The following PCDHGA5 variants were observed in gnomAD, a reference collection of about 807,000 sequenced individuals.
PCDHGA5 encodes protocadherin gamma-A5.
PCDHGA5 carries 36 observed loss-of-function variants against 56.7 expected under a neutral mutation model. The observed-to-expected ratio is 0.64, with a 90% CI of 0.49 to 0.84. The LOEUF (loss-of-function observed/expected upper bound fraction) is 0.84. Ranked by LOEUF, PCDHGA5 falls within the 40% of genes least tolerant of loss-of-function variation. The pLI is 0.00. For missense variants in PCDHGA5, 1,305 were observed against 1,201.5 expected (o/e 1.09, Z -1.27); for synonymous variants, 563 against 520.2 (o/e 1.08, Z -1.12).
At chr5:141,398,282 C>T in intron 1 of PCDHGA5, 2 of 1,401,814 alleles carry the variant, frequency 1.4e-6, no homozygotes, top group South Asian at 2.6e-5. Context: ...AACCTCGCCA[C>T]GGACCTGGGG....
chr5:141,486,967 G>C lies in PCDHGA5; in HGVS notation c.2422-7840G>C. The C allele has an allele frequency of 6.2e-7, 1 of 1,614,202 alleles. No homozygotes were observed. Among genetic ancestry groups the C allele is most frequent in the Non-Finnish European group, 8.5e-7 (1 of 1,180,032 alleles). ...TCACAAAGGTGACTGCTGTGGACTT[G>C]GATTCAGGTTACAATGCTTGGGTTT... On this transcript the variant is annotated intron_variant, in intron 1 of 3. Transcript: ENST00000518069. The surrounding 1 kb of genome is among the most constrained non-coding windows in gnomAD (Gnocchi z 5.0).
chr5:141,465,629 C>A (rs1048373153), intron 1 of PCDHGA5, among the ~76,000 whole-genome samples: 1 of 152,204 alleles, frequency 6.6e-6, no homozygotes, highest in Non-Finnish European at 1.5e-5. Flanking sequence ...AGTCAACCAG[C>A]AAAATGCTTT....
Position 141,489,898 on chromosome 5 carries a change from C to T in PCDHGA5, c.2422-4909C>T. On this transcript the variant is annotated intron_variant, in intron 1 of 3. Transcript: ENST00000518069. The surrounding 1 kb of genome is among the most constrained non-coding windows in gnomAD (Gnocchi z 4.5). ...GCTTACTGCTGTGGATGGGGGGACC[C>T]CAGCCCGCTCAGGGACCACCCTTAT... 6.2e-7 allele frequency: 1 copy of T among 1,614,216 alleles called. No homozygotes were observed. Among genetic ancestry groups the T allele is most frequent in the Non-Finnish European group, 8.5e-7 (1 of 1,180,036 alleles).
intron 1 of PCDHGA5, chr5:141,426,750 G>A (rs1287163824): frequency 2.2e-6 from 1 of 456,160 alleles, no homozygotes; most frequent in Non-Finnish European, 4.4e-6. Context: ...CCTGGAATCT[G>A]CTATAGATGC....
chr5:141,444,561 GA>G (rs778707459), intron 1 of PCDHGA5, among the ~76,000 whole-genome samples: 17 of 152,098 alleles, frequency 1.1e-4, no homozygotes, highest in Non-Finnish European at 2.1e-4. Context: ...GCACTTATTT[GA>G]CACTTTTGAC....
intron 1 of PCDHGA5, chr5:141,371,624 G>A (rs1429175978): frequency 6.2e-7 from 1 of 1,613,994 alleles, no homozygotes. Context: ...ATGGAGCCCT[G>A]GACCGGGAGC....
intron 1 of PCDHGA5, chr5:141,383,115 G>T: frequency 6.2e-7 from 1 of 1,614,078 alleles, no homozygotes; most frequent in Non-Finnish European, 8.5e-7. Flanking sequence ...GAGGTAGGAC[G>T]CAGCTTTTCG....
Position 141,487,622 on chromosome 5 carries a change from C to A in PCDHGA5, c.2422-7185C>A. 1 of 1,614,174 alleles carries A rather than the reference C, an allele frequency of 6.2e-7. No homozygotes were observed. Among genetic ancestry groups the A allele is most frequent in the Non-Finnish European group, 8.5e-7 (1 of 1,180,030 alleles). ...TCTTCTCTATGGGCTAGAGGTGAGACCTTTGCAGGCTCAACAAATGCTTGA... is the reference window on the plus strand; with the variant it reads ...TCTTCTCTATGGGCTAGAGGTGAGAACTTTGCAGGCTCAACAAATGCTTGA... On this transcript the variant is annotated intron_variant, in intron 1 of 3. Transcript: ENST00000518069. The surrounding 1 kb of genome is among the most constrained non-coding windows in gnomAD (Gnocchi z 5.0).
At chr5:141,505,306 T>C in intron 2 of PCDHGA5, 87 bp from the exon 3 acceptor site, 4 of 1,596,550 alleles carry the variant, frequency 2.5e-6, no homozygotes, top group Non-Finnish European at 3.4e-6. Context: ...GTTAGGGTAC[T>C]AGGTTTGGGA....
At position 141,364,385 on chromosome 5, in the gene PCDHGA5, C is replaced by T; in HGVS notation, c.55C>T (p.Leu19Phe). The T allele has an allele frequency of 6.3e-7, 1 of 1,591,060 alleles. No individual in the cohort carries two copies. The highest frequency in any genetic ancestry group is 8.6e-7 in the Non-Finnish European group (1 of 1,169,112). Residue 19 changes from leucine (L) to phenylalanine (F), a missense_variant, in exon 1 of 4, where the codon CTC (leucine) becomes TTC (phenylalanine). By Grantham distance (22) the Leu-to-Phe change is conservative. Transcript: ENST00000518069. ...GCGELLLPFM[L>F]LGTLCEPGSG... The stretch of plus-strand genomic sequence containing the variant: ...CGGAGAGCTGCTGCTGCCCTTCATG[C>T]TCCTGGGGACGCTGTGCGAGCCAGG...
chr5:141,414,222 A>G lies in PCDHGA5; in HGVS notation c.2421+47471A>G, dbSNP rs1038407271. 3.7e-6 allele frequency: 6 copies of G among 1,613,316 alleles called. No individual in the cohort carries two copies. The African/African-American group carries it at 5.3e-5, about 14-fold the overall frequency. On this transcript the variant is annotated intron_variant, in intron 1 of 3. Coordinates refer to ENST00000518069, the MANE Select transcript of PCDHGA5 (RefSeq NM_018918.3). ...TAGAAGATGTAAATGACAACAGTCC[A>G]GAGCTGACCATCACGTCTCTATTTA...
chr5:141,417,792 T>C, intron 1 of PCDHGA5: 1 of 1,483,216 alleles, frequency 6.7e-7, no homozygotes, highest in South Asian at 1.4e-5. Flanking sequence ...CCGAATGCTC[T>C]TTTAGCGCGG....
chr5:141,450,015 T>A (rs911475310), intron 1 of PCDHGA5, among the ~76,000 whole-genome samples: 12 of 149,806 alleles, frequency 8.0e-5, no homozygotes, highest in Non-Finnish European at 1.6e-4. Flanking sequence ...TCTTTTTTTT[T>A]TTTTTTTTTG....
chr5:141,393,650 C>A, intron 1 of PCDHGA5: 1 of 1,613,906 alleles, frequency 6.2e-7, no homozygotes, highest in Non-Finnish European at 8.5e-7. Context: ...AAGTGGCATA[C>A]AAATTCCGGA....
At chr5:141,480,240 C>CA (rs11374694) in intron 1 of PCDHGA5, among the ~76,000 whole-genome samples, 21,591 of 113,808 alleles carry the variant, frequency 0.19, 1,578 homozygotes, top group Admixed American at 0.21. Context: ...CCTGTCTCTA[C>CA]AAAAAAAAAA....
At chr5:141,419,024 G>A (rs1423033793) in intron 1 of PCDHGA5, 2 of 1,613,874 alleles carry the variant, frequency 1.2e-6, no homozygotes, top group Admixed American at 1.7e-5. Flanking sequence ...CTTAAGTAGA[G>A]GTGTTCCATT....
At chr5:141,415,342 T>C (rs1305683222) in intron 1 of PCDHGA5, 2 of 1,614,108 alleles carry the variant, frequency 1.2e-6, no homozygotes, top group African/African-American at 2.7e-5. Context: ...GCTGCGGCGC[T>C]GGCACAAGTC....
At chr5:141,478,639 A>G (rs377308663) in intron 1 of PCDHGA5, 168 of 1,552,322 alleles carry the variant, frequency 1.1e-4, no homozygotes, top group Non-Finnish European at 1.0e-4. Context: ...TTAGTGATGA[A>G]GATGTTTTCC....
chr5:141,419,386 G>A (rs2096372901), intron 1 of PCDHGA5: 1 of 1,613,650 alleles, frequency 6.2e-7, no homozygotes, highest in Non-Finnish European at 8.5e-7. Context: ...CCGTGAGCGC[G>A]CAGAGCGGGG....
Sources: allele counts gnomAD v4.1 joint callset (sites outside exome capture counted in the v4.1 genomes callset), GRCh38; gene constraint gnomAD v4.1.1; non-coding constraint Gnocchi (gnomAD v3.1); transcripts MANE v1.5; gene names NCBI Gene and HGNC (gene_info 2026-07-23, HGNC 2026-07-21).